Variants in SLIT3 observed in about 807,000 individuals in gnomAD.
The protein encoded by SLIT3 is slit guidance ligand 3.
Under a neutral mutation model 184.0 loss-of-function variants are expected in SLIT3, and 68 were observed. The observed-to-expected ratio is 0.37, with a 90% CI of 0.30 to 0.45. SLIT3 has a LOEUF of 0.45. SLIT3 is among the 20% of genes least tolerant of loss of function. SLIT3 has a pLI of 1.00. For missense variants in SLIT3, 1,707 were observed against 2,026.0 expected (o/e 0.84, Z 3.02); for synonymous variants, 831 against 828.6 (o/e 1.00, Z -0.05).
intron 4 of SLIT3, among the ~76,000 whole-genome samples, chr5:169,181,105 C>A (rs1340312282): frequency 6.6e-6 from 1 of 152,220 alleles, no homozygotes; most frequent in Non-Finnish European, 1.5e-5. Flanking sequence ...GAGCTTCCCC[C>A]AACCATCACT....
intron 30 of SLIT3, 73 bp downstream of exon 30, chr5:168,686,905 AC>A: frequency 6.4e-7 from 1 of 1,570,346 alleles, no homozygotes; most frequent in Non-Finnish European, 8.7e-7. Flanking sequence ...CATTCTGGCC[AC>A]CTTAGCCAGT....
At chr5:169,120,016 C>A (rs1760823585) in intron 4 of SLIT3, 1 of 152,224 alleles carries the variant, frequency 6.6e-6, no homozygotes, top group South Asian at 2.1e-4. Context: ...CATCAGCTTT[C>A]AAATCCAGCC....
chr5:168,763,933 G>T (rs1201194944), intron 14 of SLIT3, among the ~76,000 whole-genome samples: 1 of 152,200 alleles, frequency 6.6e-6, no homozygotes, highest in African/African-American at 2.4e-5. Flanking sequence ...TTATTTGTTT[G>T]CTCCACTAGG....
rs557468953 is a variant in SLIT3, at chr5:169,061,866, CCCACCCCACT to C, written c.413+131603_413+131612del. Reference sequence around the variant, plus strand: ...GAAGATCATGATGATAGAATCATTCCCCACCCCACTCCCTACCCTCTGGGGCCAGAAAGGG... The same window carrying C: ...GAAGATCATGATGATAGAATCATTCCCCCTACCCTCTGGGGCCAGAAAGGG... On this transcript the variant is annotated intron_variant, in intron 4 of 35. Transcript: ENST00000519560. Among the ~76,000 whole-genome samples the C allele has an allele frequency of 1.7e-3, 258 of 152,174 alleles. 1 individual carries two copies. The highest frequency in any genetic ancestry group is 5.9e-3 in the African/African-American group (244 of 41,520).
At chr5:168,962,958 C>T (rs748184170) in intron 4 of SLIT3, among the ~76,000 whole-genome samples, 1 of 152,182 alleles carries the variant, frequency 6.6e-6, no homozygotes, top group Non-Finnish European at 1.5e-5. Context: ...CAAAGCAAGT[C>T]TCCCCGAAAC....
intron 29 of SLIT3, among the ~76,000 whole-genome samples, chr5:168,690,307 G>A (rs1761867637): frequency 1.3e-5 from 2 of 152,022 alleles, no homozygotes; most frequent in African/African-American, 4.8e-5. Flanking sequence ...GCTAATTTTT[G>A]TATTTTCAGT....
intron 15 of SLIT3, 57 bp from the exon 16 acceptor site, chr5:168,760,993 C>T: frequency 7.7e-7 from 1 of 1,290,918 alleles, no homozygotes; most frequent in Non-Finnish European, 1.1e-6. Context: ...CCTCCTTCCA[C>T]CCCCCATGGC....
chr5:168,881,114 A>G (rs1326273921), intron 5 of SLIT3, among the ~76,000 whole-genome samples: 1 of 152,120 alleles, frequency 6.6e-6, no homozygotes, highest in Non-Finnish European at 1.5e-5. Context: ...TCTTCCCCGC[A>G]AGCCCAGCTG....
chr5:169,285,751 C>A (rs539469029), intron 1 of SLIT3, among the ~76,000 whole-genome samples: 1 of 152,278 alleles, frequency 6.6e-6, no homozygotes, highest in East Asian at 1.9e-4. Flanking sequence ...ACACCCTGCT[C>A]AACAGTCCCA....
At chr5:169,070,890 A>G (rs1581374583) in intron 4 of SLIT3, among the ~76,000 whole-genome samples, 1 of 152,306 alleles carries the variant, frequency 6.6e-6, no homozygotes, top group East Asian at 1.9e-4. Flanking sequence ...AACATTTAGA[A>G]TCACATGTTG....
At chr5:168,967,058 C>T (rs1763222787) in intron 4 of SLIT3, among the ~76,000 whole-genome samples, 1 of 152,124 alleles carries the variant, frequency 6.6e-6, no homozygotes, top group Admixed American at 6.6e-5. Flanking sequence ...CCTAAATTTC[C>T]CAACTGTAGG....
At chr5:169,140,878 C>A (rs1219606982) in intron 4 of SLIT3, among the ~76,000 whole-genome samples, 1 of 152,290 alleles carries the variant, frequency 6.6e-6, no homozygotes, top group South Asian at 2.1e-4. Flanking sequence ...TTCCTCACTG[C>A]CTTCTAAATT....
intron 5 of SLIT3, among the ~76,000 whole-genome samples, chr5:168,856,886 G>A (rs1758899215): frequency 6.6e-6 from 1 of 151,666 alleles, no homozygotes; most frequent in Admixed American, 6.6e-5. Flanking sequence ...CTCACTCAGG[G>A]CAGTGAGGGA....
At chr5:169,071,310 A>G (rs767946200) in intron 4 of SLIT3, among the ~76,000 whole-genome samples, 23 of 152,200 alleles carry the variant, frequency 1.5e-4, no homozygotes, top group Middle Eastern at 3.2e-3. Flanking sequence ...TCTTCTTTAT[A>G]AACAGAAGCA....
At chr5:168,895,449 A>G (rs1760628521) in intron 4 of SLIT3, among the ~76,000 whole-genome samples, 3 of 152,170 alleles carry the variant, frequency 2.0e-5, no homozygotes, top group Non-Finnish European at 1.5e-5. Flanking sequence ...TGAAACCTCA[A>G]TGGTAGAGGT....
At chr5:169,166,903 C>T (rs1020909256) in intron 4 of SLIT3, among the ~76,000 whole-genome samples, 4 of 152,298 alleles carry the variant, frequency 2.6e-5, no homozygotes, top group East Asian at 1.9e-4. Context: ...CGGCGGCTCA[C>T]GCCTGTAATC....
intron 16 of SLIT3, among the ~76,000 whole-genome samples, chr5:168,755,397 C>CTTTCTTTCTTTCTTTCTTTCTTTCTT (rs1754868536): frequency 6.8e-5 from 1 of 14,802 alleles, no homozygotes; most frequent in East Asian, 2.0e-3. Flanking sequence ...CCATTTCTTT[C>CTTTCTTTCTTTCTTTCTTTCTTTCTT]TTTCTTTCTT....
chr5:168,910,543 A>G (rs1761218296), intron 4 of SLIT3, among the ~76,000 whole-genome samples: 1 of 151,980 alleles, frequency 6.6e-6, no homozygotes, highest in African/African-American at 2.4e-5. Flanking sequence ...GGAGATGGAG[A>G]CCATCCTGGC....
intron 4 of SLIT3, among the ~76,000 whole-genome samples, chr5:168,972,547 T>C (rs1355746643): frequency 6.6e-6 from 1 of 151,984 alleles, no homozygotes; most frequent in Non-Finnish European, 1.5e-5. Flanking sequence ...CTCTGAAAAG[T>C]TACATCACAC....
Sources: gnomAD v4.1 joint callset for allele counts (sites outside exome capture counted in the v4.1 genomes callset) on GRCh38, gnomAD v4.1.1 for gene constraint, MANE v1.5 for transcripts, NCBI Gene and HGNC (gene_info 2026-07-23, HGNC 2026-07-21) for gene names.